NAV3: variants seen among roughly 807,000 people sequenced by gnomAD.
NAV3 encodes the protein pore membrane and/or filament interacting like protein 1.
Under a neutral mutation model 244.7 loss-of-function variants are expected in NAV3, and 87 were observed. The ratio of observed to expected loss-of-function variants is 0.36; its 90% confidence interval spans 0.30 to 0.42. The LOEUF (loss-of-function observed/expected upper bound fraction) is 0.42, where lower values mean the gene tolerates loss of function less well. Among genes scored for constraint, NAV3 ranks in the 20% least tolerant of loss-of-function variants. The probability of loss-of-function intolerance (pLI) is 1.00; values close to 1 mark genes in which losing one functional copy is unlikely to be tolerated. For missense variants in NAV3, 2,663 were observed against 2,893.3 expected, an observed-to-expected ratio of 0.92 and a Z score of 1.83; for synonymous variants, 1,126 against 1,042.2, an observed-to-expected ratio of 1.08 and a Z score of -1.55.
chr12:77,922,904 C>T (rs1887842742), intron 1 of NAV3, among the ~76,000 whole-genome samples: 1 of 151,976 alleles, frequency 6.6e-6, no homozygotes, highest in African/African-American at 2.4e-5. Flanking sequence ...TCAGATCACC[C>T]TTATTGTAAA....
intron 2 of NAV3, among the ~76,000 whole-genome samples, chr12:77,631,845 G>C (rs901937008): frequency 6.6e-6 from 1 of 152,224 alleles, no homozygotes; most frequent in Non-Finnish European, 1.5e-5. Flanking sequence ...AGATCCATCA[G>C]TGGTATACCA....
intron 2 of NAV3, among the ~76,000 whole-genome samples, chr12:77,707,173 A>G (rs558787704): frequency 5.3e-4 from 80 of 150,618 alleles, no homozygotes; most frequent in African/African-American, 1.9e-3. Context: ...CTCGTCATTT[A>G]CATTAGGTAC....
At chr12:78,085,965 A>G (rs1953612641) in intron 12 of NAV3, among the ~76,000 whole-genome samples, 1 of 152,126 alleles carries the variant, frequency 6.6e-6, no homozygotes, top group Non-Finnish European at 1.5e-5. Context: ...AATGTGTCAT[A>G]GAAATTAAAA....
At chr12:77,880,645 T>C (rs1677914) in intron 1 of NAV3, among the ~76,000 whole-genome samples, 17,115 of 152,200 alleles carry the variant, frequency 0.11, 1,001 homozygotes, top group East Asian at 0.22. Flanking sequence ...GCATATATGA[T>C]TGTGGTACCA....
At chr12:77,596,337 A>C (rs1325125283) in intron 2 of NAV3, among the ~76,000 whole-genome samples, 11 of 152,160 alleles carry the variant, frequency 7.2e-5, no homozygotes, top group Admixed American at 7.2e-4. Context: ...TTTTACAGAC[A>C]CTTGTTTAAT....
intron 2 of NAV3, among the ~76,000 whole-genome samples, chr12:77,638,137 A>G (rs1872238532): frequency 6.6e-6 from 1 of 152,208 alleles, no homozygotes. Context: ...AAGTCTTATG[A>G]GGAAAATTAA....
At chr12:77,984,900 C>T (rs1731706) in intron 5 of NAV3, among the ~76,000 whole-genome samples, 81,582 of 151,854 alleles carry the variant, frequency 0.54, 22,696 homozygotes, top group East Asian at 0.72. Flanking sequence ...CACTGCAACT[C>T]CCACCTCCTG....
At chr12:78,064,018 T>C (rs999479069) in intron 12 of NAV3, among the ~76,000 whole-genome samples, 3 of 152,116 alleles carry the variant, frequency 2.0e-5, no homozygotes, top group Admixed American at 2.0e-4. Context: ...GGAACTCTCA[T>C]AGCAATGTAA....
At chr12:78,139,645 C>T (rs1956522243) in intron 19 of NAV3, among the ~76,000 whole-genome samples, 1 of 151,728 alleles carries the variant, frequency 6.6e-6, no homozygotes, top group Non-Finnish European at 1.5e-5. Context: ...GCAGAATGTC[C>T]AATGTTTACA....
intron 26 of NAV3, 114 bp from the exon 27 acceptor site, chr12:78,177,027 T>C: frequency 1.1e-6 from 1 of 949,110 alleles, no homozygotes; most frequent in South Asian, 1.4e-5. Flanking sequence ...AATACTCTGC[T>C]TGTACATACT....
At chr12:78,140,213 T>C (rs1956547306) in intron 19 of NAV3, 69 bp from the exon 20 acceptor site, 1 of 1,318,152 alleles carries the variant, frequency 7.6e-7, no homozygotes. Context: ...CTTTACTTTT[T>C]CTGTAAAGGC....
chr12:78,017,664 C>T (rs1194313332), intron 8 of NAV3, among the ~76,000 whole-genome samples: 1 of 152,060 alleles, frequency 6.6e-6, no homozygotes. Flanking sequence ...GTGAATGTGC[C>T]ACTGCATTAT....
chr12:77,914,849 T>C (rs1000116849), intron 1 of NAV3, among the ~76,000 whole-genome samples: 2 of 151,758 alleles, frequency 1.3e-5, no homozygotes, highest in Non-Finnish European at 2.9e-5. Flanking sequence ...TTTTTTTTTT[T>C]TTAATTATCT....
chr12:77,833,450 G>A (rs1874065733), intron 1 of NAV3, among the ~76,000 whole-genome samples: 1 of 152,220 alleles, frequency 6.6e-6, no homozygotes, highest in African/African-American at 2.4e-5. Flanking sequence ...TGTGACAGCA[G>A]GAGTGGCTTA....
intron 20 of NAV3, 59 bp downstream of exon 20, chr12:78,140,393 T>C: frequency 2.2e-6 from 3 of 1,352,644 alleles, no homozygotes; most frequent in Non-Finnish European, 3.2e-6. Context: ...GATGATGAAA[T>C]AGATCATTTT....
chr12:78,075,948 CA>C (rs1566097784), intron 12 of NAV3, among the ~76,000 whole-genome samples: 3 of 152,166 alleles, frequency 2.0e-5, no homozygotes. Flanking sequence ...GTGGATTGAA[CA>C]GGTTAGGACA....
intron 2 of NAV3, among the ~76,000 whole-genome samples, chr12:77,663,183 TTAAA>T (rs1206539613): frequency 6.6e-5 from 10 of 152,222 alleles, no homozygotes; most frequent in Non-Finnish European, 1.3e-4. Flanking sequence ...ATATTTTTTC[TTAAA>T]TAATTTTTGA....
intron 1 of NAV3, among the ~76,000 whole-genome samples, chr12:77,878,781 C>A (rs1882207094): frequency 6.8e-6 from 1 of 148,130 alleles, no homozygotes; most frequent in African/African-American, 2.5e-5. Flanking sequence ...CATTTTAATT[C>A]TATCATTTTT....
At chr12:78,146,346 T>G (rs1178965645) in intron 20 of NAV3, 23 bp from the exon 21 acceptor site, 1 of 1,045,990 alleles carries the variant, frequency 9.6e-7, no homozygotes. Context: ...ATAGTTAAAG[T>G]CTTTCTTTTT....
Sources: gnomAD v4.1 joint callset for allele counts (sites outside exome capture counted in the v4.1 genomes callset) on GRCh38, gnomAD v4.1.1 for gene constraint, MANE v1.5 for transcripts, NCBI Gene and HGNC (gene_info 2026-07-23, HGNC 2026-07-21) for gene names.